ATP10B: variants seen among roughly 807,000 people sequenced by gnomAD.
ATP10B encodes phospholipid-transporting ATPase VB.
In ATP10B, 122 loss-of-function variants were observed where a neutral mutation model predicts 141.2. The ratio of observed to expected loss-of-function variants is 0.86; its 90% confidence interval spans 0.75 to 1.00. ATP10B has a LOEUF of 1.00. Among genes scored for constraint, ATP10B ranks in the 50% least tolerant of loss-of-function variants. The pLI is 0.00. For missense variants in ATP10B, 1,876 were observed against 1,825.3 expected (o/e 1.03, Z -0.51); for synonymous variants, 685 against 692.0 (o/e 0.99, Z 0.16).
chr5:160,798,284 C>T (rs1772106111), intron 1 of ATP10B, among the ~76,000 whole-genome samples: 1 of 152,166 alleles, frequency 6.6e-6, no homozygotes, highest in Admixed American at 6.5e-5. Flanking sequence ...TGGAAAACGT[C>T]TTCCTAAAAT....
Position 160,592,004 on chromosome 5 carries a change from C to T in ATP10B, c.3565-865G>A, listed in dbSNP as rs563502281. ...AGGTGCAAGACACTCTCTGGCATTG[C>T]AAAGTCCCTCTTCCCAGAGCTCCCT... On this transcript the variant is annotated intron_variant, in intron 22 of 25. Transcript: ENST00000327245. Among the ~76,000 whole-genome samples, 4 of 152,302 alleles carry T rather than the reference C, an allele frequency of 2.6e-5. No homozygotes were observed. The South Asian group carries it at 8.3e-4, about 32-fold the overall frequency.
chr5:160,707,037 G>A lies in ATP10B; in HGVS notation c.-205+9872C>T, dbSNP rs547843836. 1.2e-3 allele frequency among the ~76,000 whole-genome samples: 189 copies of A among 152,032 alleles called. 1 individual carries two copies. The highest frequency in any genetic ancestry group is 4.3e-3 in the African/African-American group (178 of 41,462). On this transcript the variant is annotated intron_variant, in intron 3 of 25. Transcript: ENST00000327245. ...TCTGAGTCAGCTCACTGCAATCTCC[G>A]CCCCCCAGGTTCAAGCAATTCTCCC...
At chr5:160,798,258 G>A (rs1385409041) in intron 1 of ATP10B, among the ~76,000 whole-genome samples, 1 of 152,170 alleles carries the variant, frequency 6.6e-6, no homozygotes, top group East Asian at 1.9e-4. Flanking sequence ...GGGAAGGGAA[G>A]GGGGTTATAT....
intron 10 of ATP10B, among the ~76,000 whole-genome samples, chr5:160,638,228 T>C (rs1163000441): frequency 6.6e-6 from 1 of 152,192 alleles, no homozygotes; most frequent in Non-Finnish European, 1.5e-5. Flanking sequence ...AGAATAGAAT[T>C]CTGACCCTCC....
intron 2 of ATP10B, among the ~76,000 whole-genome samples, chr5:160,723,008 C>A (rs538073886): frequency 6.6e-6 from 1 of 152,178 alleles, no homozygotes; most frequent in Non-Finnish European, 1.5e-5. Flanking sequence ...ATTTTCCTTT[C>A]GCCAAGGCAT....
rs1177875696 is a variant in ATP10B at position 160,565,355 on chromosome 5, T to A, written c.*98A>T. 63 of 1,234,860 alleles carry A rather than the reference T, an allele frequency of 5.1e-5. 1 individual carries two copies. In the Admixed American group the frequency reaches 1.3e-3, roughly 25 times the overall value. 76.5% of individuals were successfully genotyped at this position (1,234,860 alleles called of 1,614,324 possible). On this transcript the variant is annotated 3_prime_UTR_variant, in exon 26 of 26. Coordinates refer to ENST00000327245, the MANE Select transcript of ATP10B (RefSeq NM_025153.3). ...AGGTTGTTGAAGAAAAGAATAAGACTGGCACATTGTTTCCTCTATGAAGAA... is the reference window on the plus strand; with the variant it reads ...AGGTTGTTGAAGAAAAGAATAAGACAGGCACATTGTTTCCTCTATGAAGAA...
chr5:160,605,350 C>A (rs1161394967), intron 19 of ATP10B, among the ~76,000 whole-genome samples: 5 of 152,188 alleles, frequency 3.3e-5, no homozygotes, highest in African/African-American at 9.7e-5. Context: ...CATAGCAATG[C>A]ATAATTTTCA....
chr5:160,737,746 G>C (rs538947836), intron 2 of ATP10B, among the ~76,000 whole-genome samples: 2 of 151,930 alleles, frequency 1.3e-5, no homozygotes, highest in Admixed American at 6.6e-5. Context: ...AATATTAAAA[G>C]GATCAATCAT....
chr5:160,631,165 T>A (rs1758908932), intron 13 of ATP10B, among the ~76,000 whole-genome samples: 1 of 152,246 alleles, frequency 6.6e-6, no homozygotes, highest in African/African-American at 2.4e-5. Flanking sequence ...GGGTCCCATC[T>A]GTTAGTATGT....
intron 2 of ATP10B, among the ~76,000 whole-genome samples, chr5:160,722,953 T>C (rs1766086454): frequency 6.6e-6 from 1 of 152,204 alleles, no homozygotes; most frequent in Non-Finnish European, 1.5e-5. Flanking sequence ...GAGATTACTG[T>C]CCATGGAATC....
At chr5:160,758,376 C>T (rs1239614171) in intron 2 of ATP10B, among the ~76,000 whole-genome samples, 3 of 152,120 alleles carry the variant, frequency 2.0e-5, no homozygotes, top group Non-Finnish European at 2.9e-5. Flanking sequence ...GTAGCACATA[C>T]TACATACTTG....
At chr5:160,752,669 G>C (rs11747217) in intron 2 of ATP10B, among the ~76,000 whole-genome samples, 16,092 of 152,236 alleles carry the variant, frequency 0.11, 1,107 homozygotes, top group Admixed American at 0.23. Flanking sequence ...ACTTTGGAAA[G>C]TAGACAGCTT....
At chr5:160,774,819 C>G (rs1770169767) in intron 2 of ATP10B, among the ~76,000 whole-genome samples, 1 of 152,176 alleles carries the variant, frequency 6.6e-6, no homozygotes, top group Admixed American at 6.5e-5. Flanking sequence ...TCTTTGTTTT[C>G]TGCAGGGGGC....
chr5:160,723,397 G>A (rs1424425495), intron 2 of ATP10B, among the ~76,000 whole-genome samples: 1 of 152,174 alleles, frequency 6.6e-6, no homozygotes, highest in Admixed American at 6.5e-5. Context: ...GAGAAGAGGA[G>A]GAGGATGTAA....
intron 24 of ATP10B, among the ~76,000 whole-genome samples, chr5:160,585,475 G>A (rs557320107): frequency 1.2e-4 from 19 of 152,230 alleles, no homozygotes; most frequent in African/African-American, 3.6e-4. Context: ...ATGGTGGCAC[G>A]CGCCATAGTC....
chr5:160,819,107 C>A (rs1161909712), intron 1 of ATP10B, among the ~76,000 whole-genome samples: 2 of 151,844 alleles, frequency 1.3e-5, no homozygotes, highest in East Asian at 3.9e-4. Context: ...ATGTAACTAA[C>A]CTGCATGTTG....
At chr5:160,659,198 G>T (rs914516251) in intron 7 of ATP10B, among the ~76,000 whole-genome samples, 1 of 152,198 alleles carries the variant, frequency 6.6e-6, no homozygotes, top group Non-Finnish European at 1.5e-5. Flanking sequence ...GGGCGCAGTG[G>T]CTCACGCCTG....
chr5:160,877,111 T>C, the ATP10B span, among the ~76,000 whole-genome samples: 6 of 152,166 alleles, frequency 3.9e-5, no homozygotes, highest in South Asian at 8.3e-4. Flanking sequence ...ATATCCTTGA[T>C]GAACATTGAT....
the ATP10B span, among the ~76,000 whole-genome samples, chr5:160,925,819 T>C: frequency 0.22 from 33,870 of 152,092 alleles, 4,388 homozygotes; most frequent in Non-Finnish European, 0.3. Flanking sequence ...AAAATAGGAG[T>C]CCTTTTGGAA....
Sources: allele counts gnomAD v4.1 joint callset (sites outside exome capture counted in the v4.1 genomes callset), GRCh38; gene constraint gnomAD v4.1.1; transcripts MANE v1.5; gene names NCBI Gene and HGNC (gene_info 2026-07-23, HGNC 2026-07-21).